Variants in COG2 observed in about 807,000 individuals in gnomAD.
The protein encoded by COG2 is component of oligomeric golgi complex 2.
A neutral mutation model predicts 90.6 loss-of-function variants in COG2; 52 were observed. The ratio of observed to expected loss-of-function variants is 0.57; its 90% CI spans 0.46 to 0.72. COG2 has a LOEUF of 0.72. Ranked by LOEUF, COG2 falls within the 30% of genes least tolerant of loss-of-function variation. COG2 has a pLI of 0.00. For synonymous variants in COG2, 337 were observed against 320.4 expected, an observed-to-expected ratio of 1.05 and a Z score of -0.55; for missense variants, 829 against 891.2, an observed-to-expected ratio of 0.93 and a Z score of 0.89.
chr1:230,660,882 C>G (rs577753863), intron 3 of COG2, 59 bp downstream of exon 3: 2 of 1,199,470 alleles, frequency 1.7e-6, no homozygotes, highest in Non-Finnish European at 2.3e-6. Flanking sequence ...CTTGTTTGCC[C>G]TTCCAAAAAA....
chr1:230,671,770 T>C, intron 8 of COG2, 130 bp downstream of exon 8: 1 of 824,678 alleles, frequency 1.2e-6, no homozygotes, highest in Admixed American at 2.9e-5. Flanking sequence ...AATCTTGTTA[T>C]TTCATTGTTT....
intron 15 of COG2, 58 bp from the exon 16 acceptor site, chr1:230,689,956 A>T: frequency 2.0e-6 from 3 of 1,484,480 alleles, no homozygotes; most frequent in Non-Finnish European, 2.7e-6. Flanking sequence ...TGGGTAACTT[A>T]CTGTTTCTTT....
intron 3 of COG2, among the ~76,000 whole-genome samples, chr1:230,661,922 G>A (rs1662188776): frequency 6.6e-6 from 1 of 151,978 alleles, no homozygotes; most frequent in South Asian, 2.1e-4. Context: ...CTTTTACATG[G>A]CTCTTGGGTG....
intron 9 of COG2, among the ~76,000 whole-genome samples, chr1:230,676,007 A>G (rs1358753430): frequency 6.6e-6 from 1 of 151,712 alleles, no homozygotes; most frequent in East Asian, 1.9e-4. Context: ...AAAAGATTTC[A>G]TGGTTAGGAT....
intron 9 of COG2, 85 bp from the exon 10 acceptor site, chr1:230,678,828 T>C: frequency 6.3e-7 from 1 of 1,588,280 alleles, no homozygotes; most frequent in South Asian, 1.1e-5. Context: ...GTTGAGCTTC[T>C]TTATCTTGAT....
intron 1 of COG2, among the ~76,000 whole-genome samples, chr1:230,650,081 G>A (rs1167969385): frequency 1.3e-5 from 2 of 152,164 alleles, no homozygotes; most frequent in East Asian, 3.8e-4. Context: ...ATAGTATTCT[G>A]TGGTATAAAT....
chr1:230,660,864 A>AT, intron 3 of COG2, 41 bp downstream of exon 3: 1 of 1,369,584 alleles, frequency 7.3e-7, no homozygotes, highest in Non-Finnish European at 9.9e-7. Flanking sequence ...ACCCTAAAGC[A>AT]TGATATGCTT....
chr1:230,689,760 G>A (rs536419959), intron 15 of COG2, among the ~76,000 whole-genome samples: 1 of 152,322 alleles, frequency 6.6e-6, no homozygotes, highest in South Asian at 2.1e-4. Context: ...TGAGCGGTGG[G>A]TGGCTGTGCC....
chr1:230,683,730 A>T (rs1385436241), intron 11 of COG2, 95 bp downstream of exon 11: 83 of 646,038 alleles, frequency 1.3e-4, no homozygotes, highest in Admixed American at 2.2e-4. Flanking sequence ...GCGTACTTTT[A>T]CTGTTTTTTT....
chr1:230,664,515 G>T lies in COG2; in HGVS notation c.413G>T (p.Arg138Leu), dbSNP rs199727575. ...MCVLRLIQVI[R>L]SVEKIEKILN... ...GTATTGAGGCTTATACAAGTTATTC[G>T]GTCAGTTGAGAAAATTGAAAAAATC... The change falls in exon 5 of 18, where the codon CGG becomes CTG. Residue 138 changes from arginine (R) to leucine (L), a missense_variant. Physicochemically the swap from Arg to Leu is moderately radical, Grantham distance 102. Coordinates refer to ENST00000366669, the MANE Select transcript of COG2 (RefSeq NM_007357.3). The T allele has an allele frequency of 1.9e-6, 3 of 1,564,570 alleles. No homozygotes were observed. The highest frequency in any genetic ancestry group is 2.3e-5 in the East Asian group (1 of 43,928).
chr1:230,689,482 G>C (rs1662968157), intron 15 of COG2, among the ~76,000 whole-genome samples: 1 of 152,168 alleles, frequency 6.6e-6, no homozygotes, highest in African/African-American at 2.4e-5. Context: ...TACAAAATGG[G>C]TGCTAGTATT....
chr1:230,651,687 A>G (rs1661918550), intron 1 of COG2, among the ~76,000 whole-genome samples: 1 of 152,220 alleles, frequency 6.6e-6, no homozygotes. Flanking sequence ...CTTTCAGGCC[A>G]TAATTCTTGA....
rs760326288 is a variant in COG2 at position 230,679,049 on chromosome 1, T to A, written c.1163T>A (p.Ile388Lys). 1.9e-6 allele frequency: 3 copies of A among 1,611,712 alleles called. No homozygotes were observed. Among genetic ancestry groups the A allele is most frequent in the Non-Finnish European group, 2.5e-6 (3 of 1,178,096 alleles). ...KKWNLPVYFQ[I>K]RFREIAGSLE... ...TGGAACTTGCCTGTTTATTTTCAAATAAGGTTGGTCATCTATTCACCGCCC... is the reference window on the plus strand; with the variant it reads ...TGGAACTTGCCTGTTTATTTTCAAAAAAGGTTGGTCATCTATTCACCGCCC... The change falls in exon 10 of 18, where the codon ATA (isoleucine) becomes AAA (lysine). Residue 388 changes from isoleucine to lysine, a missense_variant. Coordinates refer to ENST00000366669, the MANE Select transcript of COG2 (RefSeq NM_007357.3).
chr1:230,678,733 G>C, intron 9 of COG2, 180 bp from the exon 10 acceptor site: 1 of 1,506,530 alleles, frequency 6.6e-7, no homozygotes, highest in Non-Finnish European at 8.9e-7. Flanking sequence ...GAACCACTTT[G>C]GGCATTTATG....
At chr1:230,644,229 G>T (rs1887491) in intron 1 of COG2, among the ~76,000 whole-genome samples, 1 of 151,922 alleles carries the variant, frequency 6.6e-6, no homozygotes, top group African/African-American at 2.4e-5. Context: ...GTGAATATGC[G>T]GTACATTTTG....
chr1:230,644,085 C>CT (rs1471489300), intron 1 of COG2, among the ~76,000 whole-genome samples: 3 of 152,214 alleles, frequency 2.0e-5, no homozygotes, highest in African/African-American at 7.2e-5. Context: ...CTTTCCCACT[C>CT]TGAGTTGACA....
At chr1:230,651,019 A>T (rs1290965962) in intron 1 of COG2, among the ~76,000 whole-genome samples, 5 of 152,190 alleles carry the variant, frequency 3.3e-5, no homozygotes, top group African/African-American at 1.2e-4. Flanking sequence ...AGGAGCTTAT[A>T]CTAATCTTTT....
chr1:230,663,049 GGTGTTAAGTCCTGTGGAATTGAATTAAAT>G, intron 3 of COG2, 63 bp from the exon 4 acceptor site: 1 of 895,822 alleles, frequency 1.1e-6, no homozygotes, highest in South Asian at 1.9e-5. Context: ...CTGGCCTGTA[GGTGTTAAGTCCTGTGGAATTGAATTAAAT>G]GTGTAAATTT....
intron 3 of COG2, chr1:230,661,592 G>A (rs1662179350): frequency 6.6e-6 from 1 of 152,110 alleles, no homozygotes; most frequent in African/African-American, 2.4e-5. Context: ...AGCTTGAGTA[G>A]CCTTATGCAC....
Sources: gnomAD v4.1 joint callset for allele counts (sites outside exome capture counted in the v4.1 genomes callset) on GRCh38, gnomAD v4.1.1 for gene constraint, MANE v1.5 for transcripts, NCBI Gene and HGNC (gene_info 2026-07-23, HGNC 2026-07-21) for gene names.